The following MTUS1 variants were observed in gnomAD, a reference collection of about 807,000 sequenced individuals.
MTUS1 encodes microtubule associated scaffold protein 1.
A neutral mutation model predicts 120.8 loss-of-function variants in MTUS1; 109 were observed. The observed-to-expected ratio is 0.90, with a 90% CI of 0.77 to 1.06. The LOEUF is 1.06. MTUS1 is among the 50% of genes least tolerant of loss of function. The probability of loss-of-function intolerance (pLI) is 0.00; values close to 1 mark genes in which losing one functional copy is unlikely to be tolerated. For synonymous variants in MTUS1, 737 were observed against 550.5 expected (o/e 1.34, Z -4.74); for missense variants, 2,210 against 1,486.3 (o/e 1.49, Z -8.01).
intron 6 of MTUS1, among the ~76,000 whole-genome samples, chr8:17,702,975 T>C (rs1178839011): frequency 6.6e-6 from 1 of 152,222 alleles, no homozygotes; most frequent in Admixed American, 6.5e-5. Flanking sequence ...CTTAATCCTG[T>C]TATCTTTGTA....
rs188002003 is a variant in MTUS1, at chr8:17,731,765, C to T, written c.2288-7932G>A. Among the ~76,000 whole-genome samples, 26 of 152,248 alleles carry T rather than the reference C, an allele frequency of 1.7e-4. 1 individual carries two copies. The South Asian group carries it at 5.0e-3, about 29-fold the overall frequency. ...GCCCCCAAATATAAGTGAGCGAAAG[C>T]TCTTGATGAAACAATGAATACAAAG... On this transcript the variant is annotated intron_variant, in intron 3 of 14. Transcript: ENST00000693296.
In MTUS1 at chr8:17,755,893, TA is replaced by T. The variant is rs2048573047; in HGVS notation, c.-87del. On this transcript the variant is annotated 5_prime_UTR_variant, in exon 2 of 15. Transcript: ENST00000693296. ...AGGGTGGGCAAAATGGTCTGTCTTC[TA>T]GGTTTTTCAGCACAGTTGAAAGGTT... 1 of 1,507,116 alleles carries T rather than the reference TA, an allele frequency of 6.6e-7. No individual in the cohort carries two copies. The highest frequency in any genetic ancestry group is 1.4e-5 in the African/African-American group (1 of 71,974). The allele number at this position is 1,507,116 out of a possible 1,614,324, so 93.4% of individuals were successfully genotyped here.
chr8:17,716,650 G>C (rs983344832), intron 4 of MTUS1: 2 of 153,066 alleles, frequency 1.3e-5, no homozygotes, highest in East Asian at 1.9e-4. Context: ...CGCCTCCCGG[G>C]TTCACGCCAT....
chr8:17,743,403 T>C lies in MTUS1; in HGVS notation c.2287+201A>G, dbSNP rs2904748. 0.46 allele frequency among the ~76,000 whole-genome samples: 70,502 copies of C among 151,924 alleles called. 16,921 individuals are homozygous for C. The highest frequency in any genetic ancestry group is 0.6 in the Middle Eastern group (175 of 292). On this transcript the variant is annotated intron_variant, in intron 3 of 14. Transcript: ENST00000693296. ...GCTTATAAGATGGTTTATACACCTA[T>C]ACCTCTCTCCTCAACTAGCCTTTGC...
chr8:17,752,802 A>C (rs1324648506), intron 2 of MTUS1, among the ~76,000 whole-genome samples: 2 of 152,140 alleles, frequency 1.3e-5, no homozygotes, highest in African/African-American at 2.4e-5. Flanking sequence ...ACAGGCACCC[A>C]AGGACAGCCT....
intron 1 of MTUS1, among the ~76,000 whole-genome samples, chr8:17,775,616 T>G (rs1413750935): frequency 6.6e-6 from 1 of 152,242 alleles, no homozygotes; most frequent in African/African-American, 2.4e-5. Flanking sequence ...TCTATTAACT[T>G]AACTATCATA....
In MTUS1 at chr8:17,713,249, G is replaced by A. The variant is rs556075460; in HGVS notation, c.2588C>T (p.Pro863Leu). 8 of 1,564,594 alleles carry A rather than the reference G, an allele frequency of 5.1e-6. No individual in the cohort carries two copies. The African/African-American group carries it at 1.1e-4, about 21-fold the overall frequency. The change falls in exon 6 of 15, where the codon CCT becomes CTT. Residue 863 changes from proline to leucine, a missense_variant. Pro to Leu is a moderately conservative substitution (Grantham distance 98, BLOSUM62 -3). Transcript: ENST00000693296. ...AGCTGTAAATAAATTTTTTCTCGAA[G>A]GACCTAAGATATAAAAGAAACATGT... The part of the protein sequence containing the change: ...VHLMKTPPKG[P>L]SRKNLFTALN...
At chr8:17,796,198 G>C (rs568055460) in intron 1 of MTUS1, among the ~76,000 whole-genome samples, 2 of 152,354 alleles carry the variant, frequency 1.3e-5, no homozygotes, top group Admixed American at 6.5e-5. Context: ...TGATCCGCTT[G>C]GCTTGGCCTC....
chr8:17,770,157 C>A lies in MTUS1; in HGVS notation c.-154-14196G>T, dbSNP rs561711250. On this transcript the variant is annotated intron_variant, in intron 1 of 14. Transcript: ENST00000693296. ...AGTTTTTGTACTTGATATTTTAACCCAAAGCAGAGCCCTGCATTTGATTAT... is the reference window on the plus strand; with the variant it reads ...AGTTTTTGTACTTGATATTTTAACCAAAAGCAGAGCCCTGCATTTGATTAT... Among the ~76,000 whole-genome samples, 256 of 152,168 alleles carry A rather than the reference C, an allele frequency of 1.7e-3. 1 individual carries two copies. The highest frequency in any genetic ancestry group is 5.9e-3 in the African/African-American group (246 of 41,516).
intron 1 of MTUS1, among the ~76,000 whole-genome samples, chr8:17,761,424 A>T (rs1335350846): frequency 6.6e-6 from 1 of 152,236 alleles, no homozygotes; most frequent in African/African-American, 2.4e-5. Flanking sequence ...ATCCAATTCA[A>T]ACTTCATTTT....
At chr8:17,694,321 T>TAGG (rs1554489616) in intron 6 of MTUS1, among the ~76,000 whole-genome samples, 1 of 152,176 alleles carries the variant, frequency 6.6e-6, no homozygotes, top group Non-Finnish European at 1.5e-5. Flanking sequence ...GATGGAGTCT[T>TAGG]AGAGTTTTCA....
Position 17,675,240 on chromosome 8 carries a change from G to A in MTUS1, c.2851C>T (p.Leu951=). ...TGAGATAGGGTTTTGTGTTGTTTCA[G>A]TGCTTCCTCCCGCTGCGGAAAACAC... is the stretch of plus-strand genomic sequence containing the variant. ...QHLLSEREEA[L]KQHKTLSQEL... is the part of the protein sequence containing the mutation. The change falls in exon 8 of 15, where the codon CTG becomes TTG. Residue 951 remains leucine (L), a synonymous_variant. Transcript: ENST00000693296. 1.2e-6 allele frequency: 2 copies of A among 1,614,114 alleles called. No homozygotes were observed. The highest frequency in any genetic ancestry group is 1.7e-6 in the Non-Finnish European group (2 of 1,180,000).
intron 7 of MTUS1, among the ~76,000 whole-genome samples, chr8:17,678,343 T>C (rs1252003560): frequency 6.7e-6 from 1 of 150,140 alleles, no homozygotes; most frequent in Non-Finnish European, 1.5e-5. Context: ...TATTGTAACA[T>C]GCAGAATTAC....
intron 3 of MTUS1, among the ~76,000 whole-genome samples, chr8:17,732,105 G>A (rs917174700): frequency 3.9e-5 from 6 of 152,232 alleles, no homozygotes; most frequent in Non-Finnish European, 8.8e-5. Flanking sequence ...GCAGTCACAG[G>A]AAGTGGTGGG....
intron 1 of MTUS1, among the ~76,000 whole-genome samples, chr8:17,799,801 G>A (rs1314626627): frequency 6.6e-6 from 1 of 151,906 alleles, no homozygotes; most frequent in Non-Finnish European, 1.5e-5. Flanking sequence ...GAAAAAACGT[G>A]GTGCAAGTTA....
intron 6 of MTUS1, among the ~76,000 whole-genome samples, chr8:17,688,497 C>A (rs1357273372): frequency 1.3e-5 from 2 of 152,220 alleles, no homozygotes; most frequent in Non-Finnish European, 2.9e-5. Flanking sequence ...GTTGACAAAA[C>A]ATAGGTTATG....
intron 12 of MTUS1, among the ~76,000 whole-genome samples, chr8:17,651,000 G>A (rs1167297007): frequency 4.6e-5 from 7 of 152,138 alleles, no homozygotes; most frequent in Non-Finnish European, 7.4e-5. Flanking sequence ...AAGGGGCCTC[G>A]GGGATTACTT....
At chr8:17,762,514 G>C (rs555866448) in intron 1 of MTUS1, among the ~76,000 whole-genome samples, 1 of 152,072 alleles carries the variant, frequency 6.6e-6, no homozygotes, top group Non-Finnish European at 1.5e-5. Context: ...CAAGCACTAC[G>C]TTTAACGGAG....
At chr8:17,787,839 T>C (rs2051431710) in intron 1 of MTUS1, among the ~76,000 whole-genome samples, 1 of 152,226 alleles carries the variant, frequency 6.6e-6, no homozygotes, top group African/African-American at 2.4e-5. Flanking sequence ...GAAGACTTTC[T>C]GGCTGGGCAC....
Sources: gnomAD v4.1 joint callset for allele counts (sites outside exome capture counted in the v4.1 genomes callset) on GRCh38, gnomAD v4.1.1 for gene constraint, MANE v1.5 for transcripts, NCBI Gene and HGNC (gene_info 2026-07-23, HGNC 2026-07-21) for gene names.